The following LRP1B variants were observed in gnomAD, a reference collection of about 807,000 sequenced individuals.
The protein encoded by LRP1B is LDL receptor related protein 1B.
In LRP1B, 217 loss-of-function variants were observed where a neutral mutation model predicts 556.6. The ratio of observed to expected loss-of-function variants is 0.39; its 90% CI spans 0.35 to 0.44. The LOEUF (loss-of-function observed/expected upper bound fraction) is 0.44. Ranked by LOEUF, LRP1B falls within the 20% of genes least tolerant of loss-of-function variation. The pLI is 1.00. For missense variants in LRP1B, 5,053 were observed against 5,620.8 expected, an observed-to-expected ratio of 0.90 and a Z score of 3.23; for synonymous variants, 2,047 against 1,865.8, an observed-to-expected ratio of 1.10 and a Z score of -2.50.
At chr2:140,852,642 T>C (rs1210579567) in intron 27 of LRP1B, among the ~76,000 whole-genome samples, 1 of 152,192 alleles carries the variant, frequency 6.6e-6, no homozygotes, top group Non-Finnish European at 1.5e-5. Flanking sequence ...TCTACTTCTT[T>C]GTTACTTTTT....
At chr2:141,284,900 G>A (rs759307451) in intron 3 of LRP1B, among the ~76,000 whole-genome samples, 11 of 151,898 alleles carry the variant, frequency 7.2e-5, no homozygotes, top group East Asian at 3.9e-4. Context: ...AAAATTATCC[G>A]GCTCTATCCT....
chr2:140,744,261 A>G (rs1027946557), intron 35 of LRP1B, among the ~76,000 whole-genome samples: 1 of 152,122 alleles, frequency 6.6e-6, no homozygotes, highest in Non-Finnish European at 1.5e-5. Context: ...TACCTCAAAT[A>G]TATACAATTT....
intron 2 of LRP1B, among the ~76,000 whole-genome samples, chr2:141,519,255 A>G (rs1377539553): frequency 2.0e-5 from 3 of 151,320 alleles, no homozygotes; most frequent in Non-Finnish European, 2.9e-5. Flanking sequence ...GTGGATACCT[A>G]TCAATCAGGA....
chr2:141,547,905 C>T (rs951206871), intron 2 of LRP1B, among the ~76,000 whole-genome samples: 1 of 151,974 alleles, frequency 6.6e-6, no homozygotes, highest in Non-Finnish European at 1.5e-5. Context: ...ATATATTTTT[C>T]AAAATCGGTA....
At chr2:140,936,727 T>C (rs1242124049) in intron 20 of LRP1B, among the ~76,000 whole-genome samples, 1 of 152,202 alleles carries the variant, frequency 6.6e-6, no homozygotes, top group Non-Finnish European at 1.5e-5. Flanking sequence ...AATATTATTC[T>C]AAAAGCTAGT....
intron 32 of LRP1B, among the ~76,000 whole-genome samples, chr2:140,789,682 G>C (rs1401662189): frequency 1.5e-5 from 2 of 131,200 alleles, no homozygotes; most frequent in Non-Finnish European, 1.6e-5. Context: ...CCAGGCTGGA[G>C]TGCAGTGGCG....
rs2105352938 is a variant in LRP1B, at chr2:140,989,608, G to A, written c.2694C>T (p.Cys898=). ...CATCACAAAGCCATCTCTTGGGGAT[G>A]CAGCGATTATTCTGGCATTTAAACT... ...DDQFKCQNNR[C]IPKRWLCDGA... The change falls in exon 17 of 91, where the codon TGC becomes TGT. Residue 898 remains cysteine (C), a synonymous_variant. Coordinates refer to ENST00000389484, the MANE Select transcript of LRP1B (RefSeq NM_018557.3). 6.2e-7 allele frequency: 1 copy of A among 1,613,224 alleles called. No individual in the cohort carries two copies. Among genetic ancestry groups the A allele is most frequent in the South Asian group, 1.1e-5 (1 of 91,076 alleles).
intron 84 of LRP1B, among the ~76,000 whole-genome samples, chr2:140,283,358 ACAT>A (rs1356671642): frequency 3.3e-5 from 5 of 151,802 alleles, no homozygotes; most frequent in African/African-American, 1.2e-4. Flanking sequence ...AAGTAGGCAA[ACAT>A]TAAATCCAGG....
At chr2:140,237,762 T>C (rs1224808694) in intron 89 of LRP1B, among the ~76,000 whole-genome samples, 1 of 150,764 alleles carries the variant, frequency 6.6e-6, no homozygotes, top group East Asian at 2.0e-4. Context: ...CCTTTATCTA[T>C]CTATATATCT....
At chr2:140,433,361 A>G (rs554724661) in intron 66 of LRP1B, among the ~76,000 whole-genome samples, 6 of 152,242 alleles carry the variant, frequency 3.9e-5, no homozygotes, top group Non-Finnish European at 8.8e-5. Context: ...GCCTCCCAAA[A>G]TGCTAGAAGT....
Position 140,888,489 on chromosome 2 carries a change from T to TTA in LRP1B, c.3767-2156_3767-2155dup, listed in dbSNP as rs1185674958. 1.5e-4 allele frequency among the ~76,000 whole-genome samples: 22 copies of TTA among 151,032 alleles called. No homozygotes were observed. In the East Asian group the frequency reaches 2.9e-3, roughly 20 times the overall value. On this transcript the variant is annotated intron_variant, in intron 23 of 90. Transcript: ENST00000389484. ...TAGATGACCTATGGCAGACTTGATT[T>TTA]TATATATATATACTTATACATATAA...
At chr2:141,461,064 T>C (rs1681849048) in intron 3 of LRP1B, among the ~76,000 whole-genome samples, 1 of 151,626 alleles carries the variant, frequency 6.6e-6, no homozygotes, top group Non-Finnish European at 1.5e-5. Context: ...CATTGGCACA[T>C]AGATGATCTT....
chr2:140,702,264 C>T lies in LRP1B; in HGVS notation c.6179G>A (p.Arg2060His), dbSNP rs748605226. ...GTCGATTCTCTCTATCTTGTCTGTG[C>T]GAGCATCACACCAGTACAATTTATT... ...EENKLYWCDA[R>H]TDKIERIDLE... Residue 2060 changes from arginine to histidine, a missense_variant, in exon 39 of 91, where the codon CGC becomes CAC. Physicochemically the swap from Arg to His is conservative, Grantham distance 29. Transcript: ENST00000389484. The T allele has an allele frequency of 5.0e-5, 80 of 1,613,516 alleles. No individual in the cohort carries two copies. In the Admixed American group the frequency reaches 1.2e-3, roughly 24 times the overall value.
chr2:141,224,623 G>A (rs901991573), intron 6 of LRP1B, among the ~76,000 whole-genome samples: 3 of 152,118 alleles, frequency 2.0e-5, no homozygotes, highest in African/African-American at 7.2e-5. Context: ...TATATATCAT[G>A]GAATACTATG....
intron 2 of LRP1B, among the ~76,000 whole-genome samples, chr2:141,691,813 T>C (rs1691543896): frequency 6.6e-6 from 1 of 151,964 alleles, no homozygotes; most frequent in Non-Finnish European, 1.5e-5. Context: ...CTAAACGTCT[T>C]CTGCACTCCA....
At chr2:141,456,589 GAAATA>G (rs1158839949) in intron 3 of LRP1B, among the ~76,000 whole-genome samples, 2 of 152,084 alleles carry the variant, frequency 1.3e-5, no homozygotes, top group Non-Finnish European at 2.9e-5. Context: ...ACTTGTTGAA[GAAATA>G]AAATAATACA....
chr2:141,488,959 G>C (rs12151429), intron 2 of LRP1B, among the ~76,000 whole-genome samples: 53,980 of 123,974 alleles, frequency 0.44, 11,115 homozygotes, highest in East Asian at 0.7. Context: ...TCTTTTACAT[G>C]GGTTTGTTTT....
intron 86 of LRP1B, among the ~76,000 whole-genome samples, chr2:140,256,585 C>A (rs914350272): frequency 4.7e-5 from 7 of 148,308 alleles, no homozygotes; most frequent in Admixed American, 3.4e-4. Context: ...TCTCCTGCCT[C>A]AGACTCCTGA....
intron 2 of LRP1B, among the ~76,000 whole-genome samples, chr2:141,556,123 C>G (rs1476103668): frequency 6.6e-6 from 1 of 151,702 alleles, no homozygotes; most frequent in South Asian, 2.1e-4. Flanking sequence ...TTCCTGTTAT[C>G]CATTAATATT....
Sources: allele counts gnomAD v4.1 joint callset (sites outside exome capture counted in the v4.1 genomes callset), GRCh38; gene constraint gnomAD v4.1.1; transcripts MANE v1.5; gene names NCBI Gene and HGNC (gene_info 2026-07-23, HGNC 2026-07-21).